The following MSI2 variants were observed in gnomAD, a reference collection of about 807,000 sequenced individuals.
MSI2 encodes the protein musashi RNA binding protein 2.
Under a neutral mutation model 45.6 loss-of-function variants are expected in MSI2, and 17 were observed. That is an observed-to-expected ratio of 0.37 (90% CI 0.26 to 0.56). The LOEUF (loss-of-function observed/expected upper bound fraction) is 0.56, where lower values mean the gene tolerates loss of function less well. Ranked by LOEUF, MSI2 falls within the 20% of genes least tolerant of loss-of-function variation. The pLI is 0.77. For missense variants in MSI2, 293 were observed against 444.2 expected, an observed-to-expected ratio of 0.66 and a Z score of 3.06; for synonymous variants, 156 against 158.2, an observed-to-expected ratio of 0.99 and a Z score of 0.11.
At chr17:57,392,698 A>G (rs2144091499) in intron 5 of MSI2, among the ~76,000 whole-genome samples, 1 of 152,254 alleles carries the variant, frequency 6.6e-6, no homozygotes, top group Admixed American at 6.5e-5. Flanking sequence ...AACGTAAAAT[A>G]TTGTTATACC....
intron 5 of MSI2, chr17:57,263,731 T>C (rs1907521767): frequency 6.6e-6 from 1 of 152,242 alleles, no homozygotes; most frequent in Non-Finnish European, 1.5e-5. Flanking sequence ...TATTTCACTT[T>C]AATACACTCT....
rs148399863 is a variant in MSI2, at chr17:57,357,980, A to T, written c.313-43399A>T. On this transcript the variant is annotated intron_variant, in intron 5 of 13. Coordinates refer to ENST00000284073, the MANE Select transcript of MSI2 (RefSeq NM_138962.4). ...TTTCTGAGGTCTTGTGGTCACACAC[A>T]TGCTTTCCTGCTTCTGTCTTGAATG... 1.4e-4 allele frequency among the ~76,000 whole-genome samples: 22 copies of T among 152,238 alleles called. No individual in the cohort carries two copies. The East Asian group carries it at 4.2e-3, about 29-fold the overall frequency.
chr17:57,381,351 C>T (rs2083594369), intron 5 of MSI2, among the ~76,000 whole-genome samples: 1 of 152,160 alleles, frequency 6.6e-6, no homozygotes, highest in South Asian at 2.1e-4. Context: ...TAGGCGTGAG[C>T]CACCGTGCCT....
chr17:57,505,641 A>G (rs1180151027), intron 6 of MSI2, among the ~76,000 whole-genome samples: 4 of 152,150 alleles, frequency 2.6e-5, no homozygotes, highest in Non-Finnish European at 5.9e-5. Context: ...CTCTTTTGCC[A>G]GGGGAGTAAA....
chr17:57,647,779 G>T (rs1910795819), intron 10 of MSI2, among the ~76,000 whole-genome samples: 1 of 151,646 alleles, frequency 6.6e-6, no homozygotes, highest in African/African-American at 2.4e-5. Flanking sequence ...CAAGTAGCTG[G>T]AACAGACATG....
At chr17:57,296,265 A>G (rs1005900870) in intron 5 of MSI2, among the ~76,000 whole-genome samples, 11 of 152,116 alleles carry the variant, frequency 7.2e-5, no homozygotes, top group Admixed American at 6.6e-4. Context: ...GTCTTTTACA[A>G]AATTAATTTT....
intron 6 of MSI2, among the ~76,000 whole-genome samples, chr17:57,431,257 C>G (rs2084588629): frequency 6.6e-6 from 1 of 152,194 alleles, no homozygotes; most frequent in Non-Finnish European, 1.5e-5. Flanking sequence ...TGCTCAGAGC[C>G]AGGCTCCTCC....
Position 57,675,085 on chromosome 17 carries a change from G to T in MSI2, c.904G>T (p.Ala302Ser). The change falls in exon 12 of 14, where the codon GCC (alanine) becomes TCC (serine). Residue 302 changes from alanine to serine, a missense_variant. Physicochemically the swap from Ala to Ser is moderately conservative, Grantham distance 99 (BLOSUM62 1). Transcript: ENST00000284073. ...DSGVGNYISA[A>S]SPQPGSGFGH... Reference sequence around the variant, plus strand: ...CGGAGTGGGGAATTACATAAGTGCGGCCAGCCCACAGCCGGGCTCGGGCTT... The same window carrying T: ...CGGAGTGGGGAATTACATAAGTGCGTCCAGCCCACAGCCGGGCTCGGGCTT... The T allele has an allele frequency of 6.2e-7, 1 of 1,614,006 alleles. No homozygotes were observed.
chr17:57,453,687 G>A (rs1180112331), intron 6 of MSI2, among the ~76,000 whole-genome samples: 5 of 152,148 alleles, frequency 3.3e-5, no homozygotes, highest in African/African-American at 9.7e-5. Flanking sequence ...TTCCATTATC[G>A]GAACGCCAAG....
At chr17:57,533,946 A>G (rs1413282321) in intron 7 of MSI2, among the ~76,000 whole-genome samples, 1 of 152,252 alleles carries the variant, frequency 6.6e-6, no homozygotes, top group African/African-American at 2.4e-5. Flanking sequence ...AGGGGATCTA[A>G]GCATCCTGAC....
chr17:57,477,570 C>G lies in MSI2; in HGVS notation c.406-52106C>G, dbSNP rs186090378. The stretch of plus-strand genomic sequence containing the variant: ...GGAAAATGAGAATGGGCCCTCACCC[C>G]CTAGCCCTGCAAAGACTGTACACAT... On this transcript the variant is annotated intron_variant, in intron 6 of 13. Transcript: ENST00000284073. Among the ~76,000 whole-genome samples, 7 of 152,282 alleles carry G rather than the reference C, an allele frequency of 4.6e-5. No homozygotes were observed. In the South Asian group the frequency reaches 8.3e-4, roughly 18 times the overall value.
chr17:57,575,151 T>TCCCCCCCCC (rs898555784), intron 7 of MSI2, among the ~76,000 whole-genome samples: 1 of 114,376 alleles, frequency 8.7e-6, no homozygotes, highest in Non-Finnish European at 1.8e-5. Flanking sequence ...TTTAACTCCC[T>TCCCCCCCCC]CCCCCCGCCA....
rs531640023 is a variant in MSI2 at position 57,588,167 on chromosome 17, G to T, written c.455-8701G>T. On this transcript the variant is annotated intron_variant, in intron 7 of 13. Coordinates refer to ENST00000284073, the MANE Select transcript of MSI2 (RefSeq NM_138962.4). ...GCTGTGCTAAGAGGGCATGCCAGCA[G>T]ACCCCTCGCATCCATCGCGGGCTTG... 1.6e-4 allele frequency among the ~76,000 whole-genome samples: 25 copies of T among 152,304 alleles called. No homozygotes were observed. In the South Asian group the frequency reaches 4.4e-3, roughly 27 times the overall value.
chr17:57,571,433 C>T (rs1281298113), intron 7 of MSI2, among the ~76,000 whole-genome samples: 4 of 152,160 alleles, frequency 2.6e-5, no homozygotes, highest in Non-Finnish European at 5.9e-5. Flanking sequence ...CAGCCCCCAC[C>T]AGGCCCCGCT....
chr17:57,405,535 G>A (rs762385313), intron 6 of MSI2, among the ~76,000 whole-genome samples: 23 of 152,136 alleles, frequency 1.5e-4, no homozygotes, highest in Admixed American at 1.3e-3. Context: ...AAAATAATAC[G>A]TTGTCAGTAG....
chr17:57,512,964 C>CTTTT (rs750318511), intron 6 of MSI2, among the ~76,000 whole-genome samples: 1 of 44,266 alleles, frequency 2.3e-5, no homozygotes, highest in Admixed American at 2.6e-4. Flanking sequence ...GAATTAGCTT[C>CTTTT]TTCCTTTTTT....
At chr17:57,345,959 G>A (rs184443342) in intron 5 of MSI2, among the ~76,000 whole-genome samples, 120 of 151,912 alleles carry the variant, frequency 7.9e-4, no homozygotes, top group African/African-American at 2.5e-3. Context: ...TGTAACAGTC[G>A]CATCTTATTT....
chr17:57,487,413 C>T (rs936405822), intron 6 of MSI2, among the ~76,000 whole-genome samples: 7 of 152,106 alleles, frequency 4.6e-5, no homozygotes, highest in Non-Finnish European at 1.0e-4. Flanking sequence ...CTATTGCACC[C>T]AAAAAAACTG....
At chr17:57,509,253 G>A (rs1001310852) in intron 6 of MSI2, among the ~76,000 whole-genome samples, 9 of 152,150 alleles carry the variant, frequency 5.9e-5, no homozygotes, top group Admixed American at 1.3e-4. Flanking sequence ...AATTTCAGCC[G>A]TCTAGAGAGT....
Sources: gnomAD v4.1 joint callset for allele counts (sites outside exome capture counted in the v4.1 genomes callset) on GRCh38, gnomAD v4.1.1 for gene constraint, MANE v1.5 for transcripts, NCBI Gene and HGNC (gene_info 2026-07-23, HGNC 2026-07-21) for gene names.